The following FAT3 variants were observed in gnomAD, a reference collection of about 807,000 sequenced individuals.
FAT3 encodes the protein protocadherin Fat 3.
In FAT3, 95 loss-of-function variants were observed where a neutral mutation model predicts 310.2. That is an observed-to-expected ratio of 0.31 (90% CI 0.26 to 0.36). The LOEUF (loss-of-function observed/expected upper bound fraction) is 0.36. Ranked by LOEUF, FAT3 falls within the 10% of genes least tolerant of loss-of-function variation. The pLI is 1.00. For missense variants in FAT3, 5,408 were observed against 5,715.6 expected (o/e 0.95, Z 1.74); for synonymous variants, 2,314 against 2,192.9 (o/e 1.06, Z -1.54).
At chr11:92,331,170 G>A (rs75764289) in intron 1 of FAT3, among the ~76,000 whole-genome samples, 4,004 of 152,172 alleles carry the variant, frequency 0.026, 198 homozygotes, top group African/African-American at 0.092. Context: ...CTATCTTTAA[G>A]ATGTGGTAGA....
At chr11:92,789,204 G>A (rs1353564597) in intron 7 of FAT3, among the ~76,000 whole-genome samples, 1 of 152,058 alleles carries the variant, frequency 6.6e-6, no homozygotes, top group African/African-American at 2.4e-5. Flanking sequence ...ATGATGGGTG[G>A]GATTTGCTTT....
rs114037424 is a variant in FAT3 at position 92,447,653 on chromosome 11, G to A, written c.3293-76981G>A. On this transcript the variant is annotated intron_variant, in intron 2 of 27. Coordinates refer to ENST00000525166, the MANE Select transcript of FAT3 (RefSeq NM_001367949.2). ...AATTTCCCTGGTCTTACTTAGAAGC[G>A]CTTTTCTTTTGCTGAATCTTTGTGA... Among the ~76,000 whole-genome samples the A allele has an allele frequency of 7.2e-3, 1,091 of 151,854 alleles. 24 individuals carry two copies. The highest frequency in any genetic ancestry group is 0.025 in the African/African-American group (1,045 of 41,228).
Position 92,798,533 on chromosome 11 carries a change from C to T in FAT3, c.5520C>T (p.Asp1840=), listed in dbSNP as rs1201828548. The change falls in exon 10 of 28, where the codon GAC becomes GAT. Residue 1840 remains aspartate (D), a synonymous_variant. Coordinates refer to ENST00000525166, the MANE Select transcript of FAT3 (RefSeq NM_001367949.2). ...TGAIRTIANL[D]HETIAHFHFH... Reference sequence around the variant, plus strand: ...CAATCAGAACAATTGCCAACCTGGACCATGAAACCATTGCCCATTTCCATT... The same window carrying T: ...CAATCAGAACAATTGCCAACCTGGATCATGAAACCATTGCCCATTTCCATT... 1 of 1,613,650 alleles carries T rather than the reference C, an allele frequency of 6.2e-7. No homozygotes were observed.
chr11:92,688,900 T>C (rs1468198706), intron 3 of FAT3, among the ~76,000 whole-genome samples: 5 of 152,222 alleles, frequency 3.3e-5, no homozygotes, highest in African/African-American at 1.2e-4. Context: ...TTTCCTTATC[T>C]GTCAGATGAC....
chr11:92,358,613 C>G (rs189748942), intron 2 of FAT3, among the ~76,000 whole-genome samples: 1 of 152,130 alleles, frequency 6.6e-6, no homozygotes, highest in East Asian at 1.9e-4. Context: ...TTCTTTCTCT[C>G]CTCTCAGCAC....
In FAT3 at chr11:92,335,661, AC is replaced by A. The variant is rs1371106434; in HGVS notation, c.-17-16434del. ...GACCATCTTAGCCATTTTTAAGTGT[AC>A]AGTTCAGTAATGTTAAGTATATGCA... On this transcript the variant is annotated intron_variant, in intron 1 of 27. Transcript: ENST00000525166. Among the ~76,000 whole-genome samples the A allele has an allele frequency of 3.9e-5, 6 of 152,354 alleles. No individual in the cohort carries two copies. In the East Asian group the frequency reaches 1.2e-3, roughly 29 times the overall value.
chr11:92,447,236 T>TGC (rs1565324297), intron 2 of FAT3, among the ~76,000 whole-genome samples: 1 of 151,768 alleles, frequency 6.6e-6, no homozygotes, highest in African/African-American at 2.4e-5. Context: ...TGTGTGTGTG[T>TGC]GTGTGTGTGT....
intron 2 of FAT3, among the ~76,000 whole-genome samples, chr11:92,396,170 G>T (rs1172336567): frequency 6.6e-6 from 1 of 152,116 alleles, no homozygotes. Flanking sequence ...TGAAGGGAAT[G>T]GTGCACTTTC....
Position 92,692,918 on chromosome 11 carries a change from C to T in FAT3, c.3608-4466C>T, listed in dbSNP as rs561235144. 1.1e-4 allele frequency among the ~76,000 whole-genome samples: 17 copies of T among 152,334 alleles called. No individual in the cohort carries two copies. In the East Asian group the frequency reaches 3.1e-3, roughly 28 times the overall value. ...GTGAATGTCATGGCAGCAGATTACACAGCTGCGACCCAGGACACCCACAGG... is the reference window on the plus strand; with the variant it reads ...GTGAATGTCATGGCAGCAGATTACATAGCTGCGACCCAGGACACCCACAGG... On this transcript the variant is annotated intron_variant, in intron 3 of 27. Coordinates refer to ENST00000525166, the MANE Select transcript of FAT3 (RefSeq NM_001367949.2).
intron 2 of FAT3, among the ~76,000 whole-genome samples, chr11:92,416,336 A>G (rs1950412170): frequency 6.6e-6 from 1 of 150,836 alleles, no homozygotes; most frequent in African/African-American, 2.4e-5. Context: ...GTGAGGCGAG[A>G]TCGCTCCATT....
intron 5 of FAT3, among the ~76,000 whole-genome samples, chr11:92,764,306 G>A (rs1156700292): frequency 6.6e-6 from 1 of 152,096 alleles, no homozygotes; most frequent in Non-Finnish European, 1.5e-5. Flanking sequence ...CTAGCTCCAG[G>A]CTGCTCCCTT....
At chr11:92,705,891 G>A (rs1326611324) in intron 4 of FAT3, among the ~76,000 whole-genome samples, 5 of 144,602 alleles carry the variant, frequency 3.5e-5, no homozygotes, top group African/African-American at 1.0e-4. Flanking sequence ...GTGGTGGTGT[G>A]ATGGTGGTGG....
rs559329338 is a variant in FAT3, at chr11:92,644,299, G to T, written c.3608-53085G>T. 2.0e-5 allele frequency among the ~76,000 whole-genome samples: 3 copies of T among 152,344 alleles called. No individual in the cohort carries two copies. The East Asian group carries it at 5.8e-4, about 29-fold the overall frequency. On this transcript the variant is annotated intron_variant, in intron 3 of 27. Coordinates refer to ENST00000525166, the MANE Select transcript of FAT3 (RefSeq NM_001367949.2). ...TTATGTTCATGAGTTGCAGGTCTGA[G>T]GGTTCCCTCTATCAATTATTTTTGG...
intron 3 of FAT3, chr11:92,559,505 C>A (rs189379384): frequency 8.2e-6 from 3 of 366,322 alleles, no homozygotes; most frequent in Non-Finnish European, 1.7e-5. Flanking sequence ...CTGCCTCAGC[C>A]TCTTGAGTAG....
chr11:92,263,652 T>TAG (rs200857817), intron 1 of FAT3, among the ~76,000 whole-genome samples: 18,456 of 151,000 alleles, frequency 0.12, 1,173 homozygotes, highest in East Asian at 0.28. Context: ...TATATATATA[T>TAG]ATAGAGAGAG....
chr11:92,542,094 A>G (rs1954466168), intron 3 of FAT3, among the ~76,000 whole-genome samples: 1 of 152,072 alleles, frequency 6.6e-6, no homozygotes, highest in African/African-American at 2.4e-5. Flanking sequence ...GAGAAAGGAC[A>G]CCCTCTTAAG....
At chr11:92,566,863 A>T (rs1268053828) in intron 3 of FAT3, among the ~76,000 whole-genome samples, 17 of 152,124 alleles carry the variant, frequency 1.1e-4, no homozygotes, top group Admixed American at 3.9e-4. Flanking sequence ...GATCCCTTCC[A>T]CACACCTTAT....
At chr11:92,555,455 C>T (rs1565407931) in intron 3 of FAT3, among the ~76,000 whole-genome samples, 1 of 152,078 alleles carries the variant, frequency 6.6e-6, no homozygotes, top group African/African-American at 2.4e-5. Context: ...AGCCAAGTGC[C>T]CTCTGGGATA....
rs1264174999 is a variant in FAT3, at chr11:92,412,742, TATAA to T, written c.3292+57342_3292+57345del. 3.0e-3 allele frequency among the ~76,000 whole-genome samples: 176 copies of T among 58,722 alleles called. 15 individuals carry two copies. The highest frequency in any genetic ancestry group is 0.011 in the African/African-American group (131 of 11,612). The allele number at this position is 58,722 out of a possible 152,430, so 38.5% of individuals were successfully genotyped here. A position where few individuals can be genotyped will look rare whatever the true frequency, so the allele number is the denominator to read the frequency against. On this transcript the variant is annotated intron_variant, in intron 2 of 27. Coordinates refer to ENST00000525166, the MANE Select transcript of FAT3 (RefSeq NM_001367949.2). ...ATATATATATATATATATATATATA[TATAA>T]ATATACATACATATATATATATTTA...
Sources: allele counts gnomAD v4.1 joint callset (sites outside exome capture counted in the v4.1 genomes callset), GRCh38; gene constraint gnomAD v4.1.1; transcripts MANE v1.5; gene names NCBI Gene and HGNC (gene_info 2026-07-23, HGNC 2026-07-21).